Variants in ANXA1 observed in about 807,000 individuals in gnomAD.
ANXA1 encodes annexin A1.
A neutral mutation model predicts 47.9 loss-of-function variants in ANXA1; 39 were observed. The observed-to-expected ratio is 0.81, with a 90% CI of 0.63 to 1.06. The LOEUF (loss-of-function observed/expected upper bound fraction) is 1.06, where lower values mean the gene tolerates loss of function less well. ANXA1 is among the 50% of genes least tolerant of loss of function. The pLI is 0.00. For missense variants in ANXA1, 446 were observed against 422.7 expected, an observed-to-expected ratio of 1.06 and a Z score of -0.48; for synonymous variants, 146 against 142.5, an observed-to-expected ratio of 1.02 and a Z score of -0.17.
chr9:73,163,344 A>G, intron 7 of ANXA1, 132 bp from the exon 8 acceptor site: 3 of 813,618 alleles, frequency 3.7e-6, no homozygotes, highest in Non-Finnish European at 5.7e-6. Context: ...CTTGTATCTG[A>G]GCTCCTTCTA....
At chr9:73,156,067 T>C (rs924251721) in intron 1 of ANXA1, among the ~76,000 whole-genome samples, 6 of 148,450 alleles carry the variant, frequency 4.0e-5, no homozygotes, top group Non-Finnish European at 8.9e-5. Context: ...TCTTTTGCTT[T>C]CTTTTGAAGT....
chr9:73,168,873 C>T (rs1216009669), intron 11 of ANXA1, 159 bp from the exon 12 acceptor site: 11 of 373,754 alleles, frequency 2.9e-5, no homozygotes, highest in Admixed American at 5.4e-5. Flanking sequence ...CATTACCATT[C>T]GTGTAAGGTG....
chr9:73,166,245 A>T (rs1824227720), intron 10 of ANXA1, 53 bp downstream of exon 10: 6 of 1,337,904 alleles, frequency 4.5e-6, no homozygotes, highest in Non-Finnish European at 6.3e-6. Context: ...GTATTTTCAA[A>T]GCTATCCTAT....
intron 3 of ANXA1, 103 bp from the exon 4 acceptor site, chr9:73,159,226 A>T: frequency 4.3e-6 from 4 of 926,938 alleles, no homozygotes; most frequent in Non-Finnish European, 6.8e-6. Context: ...ATATTTCTTA[A>T]TTTGTTAAGA....
chr9:73,159,541 T>A, intron 4 of ANXA1, 118 bp downstream of exon 4: 1 of 754,736 alleles, frequency 1.3e-6, no homozygotes, highest in Non-Finnish European at 2.1e-6. Flanking sequence ...TCATTACATC[T>A]ATGATTGGGA....
intron 9 of ANXA1, 75 bp from the exon 10 acceptor site, chr9:73,166,022 G>A (rs1824223292): frequency 2.6e-6 from 3 of 1,147,464 alleles, no homozygotes; most frequent in Admixed American, 4.8e-5. Context: ...CTTTGAGTCA[G>A]TTGCCTTGAT....
At chr9:73,167,579 T>A (rs771656662) in intron 11 of ANXA1, 24 bp downstream of exon 11, 1 of 1,598,426 alleles carries the variant, frequency 6.3e-7, no homozygotes. Context: ...TACTTATATG[T>A]CCTGCTTAGA....
chr9:73,155,126 AG>A (rs1824028081), intron 1 of ANXA1, among the ~76,000 whole-genome samples: 1 of 152,226 alleles, frequency 6.6e-6, no homozygotes, highest in African/African-American at 2.4e-5. Context: ...TGACATTAGT[AG>A]GCAGTGCATG....
rs1824284649 is a variant in ANXA1 at position 73,169,220 on chromosome 9, G to A, written c.984+66G>A. ...GTTCTTTTTGCAAGATCTTCAAGGA[G>A]AAGAGTTGACTTATTGTATCTATAA... On this transcript the variant is annotated intron_variant, in intron 12 of 12. Coordinates refer to ENST00000257497, the MANE Select transcript of ANXA1 (RefSeq NM_000700.3). The A allele has an allele frequency of 4.1e-5, 62 of 1,494,924 alleles. No individual in the cohort carries two copies. The South Asian group carries it at 8.2e-4, about 20-fold the overall frequency. 92.6% of individuals were successfully genotyped at this position (1,494,924 alleles called of 1,614,324 possible). A position where few individuals can be genotyped will look rare whatever the true frequency, so the allele number is the denominator to read the frequency against.
At chr9:73,155,831 A>G (rs1824036944) in intron 1 of ANXA1, among the ~76,000 whole-genome samples, 1 of 151,946 alleles carries the variant, frequency 6.6e-6, no homozygotes, top group Non-Finnish European at 1.5e-5. Flanking sequence ...TCCTCTAGGG[A>G]TGCTCTCTCT....
At chr9:73,163,915 C>A (rs763404177) in intron 8 of ANXA1, among the ~76,000 whole-genome samples, 5 of 152,004 alleles carry the variant, frequency 3.3e-5, no homozygotes, top group Non-Finnish European at 5.9e-5. Flanking sequence ...TAACAGAGAA[C>A]TTTGGAATGG....
At position 73,169,129 on chromosome 9, in the gene ANXA1, G is replaced by A. The variant is rs139228721; in HGVS notation, c.959G>A (p.Gly320Asp). 1,032 of 1,612,182 alleles carry A rather than the reference G, an allele frequency of 6.4e-4. 1 individual carries two copies. Among genetic ancestry groups the A allele is most frequent in the Admixed American group, 1.3e-3 (78 of 59,678 alleles). The change falls in exon 12 of 13, where the codon GGT (glycine) becomes GAT (aspartate). Residue 320 changes from glycine to aspartate, a missense_variant. Transcript: ENST00000257497. ...DIKAFYQKMY[G>D]ISLCQAILDE... is the part of the protein sequence containing the mutation. ...AAAGCATTCTATCAGAAGATGTATG[G>A]TATCTCCCTTTGCCAAGCCATCCTG...
At chr9:73,166,046 T>C in intron 9 of ANXA1, 51 bp from the exon 10 acceptor site, 1 of 1,435,242 alleles carries the variant, frequency 7.0e-7, no homozygotes, top group Non-Finnish European at 9.5e-7. Context: ...GCTAAAGCTT[T>C]CTAAAGAAAA....
Position 73,158,772 on chromosome 9 carries a change from C to A in ANXA1, c.144C>A (p.Val48=). 6.2e-7 allele frequency: 1 copy of A among 1,613,832 alleles called. No homozygotes were observed. The highest frequency in any genetic ancestry group is 1.1e-5 in the South Asian group (1 of 91,062). ...CTACCTTCAATCCATCCTCGGATGT[C>A]GCTGCCTTGCATAAGGCCATAATGG... is the stretch of plus-strand genomic sequence containing the variant. ...PYPTFNPSSD[V]AALHKAIMVK... is the part of the protein sequence containing the mutation. The change falls in exon 3 of 13, where the codon GTC becomes GTA. Residue 48 remains valine (V), a synonymous_variant. Coordinates refer to ENST00000257497, the MANE Select transcript of ANXA1 (RefSeq NM_000700.3).
chr9:73,168,663 T>G (rs1824272909), intron 11 of ANXA1: 1 of 158,046 alleles, frequency 6.3e-6, no homozygotes, highest in African/African-American at 2.4e-5. Flanking sequence ...GAAGCCCTGA[T>G]TAGATTCTAT....
intron 4 of ANXA1, 108 bp from the exon 5 acceptor site, chr9:73,160,154 GT>G (rs1308308657): frequency 1.1e-5 from 7 of 622,892 alleles, no homozygotes; most frequent in Non-Finnish European, 1.9e-5. Context: ...CTAAAAGATG[GT>G]TGGGTTTAGG....
intron 1 of ANXA1, among the ~76,000 whole-genome samples, chr9:73,154,728 C>T (rs1824021777): frequency 6.6e-6 from 1 of 152,164 alleles, no homozygotes; most frequent in Non-Finnish European, 1.5e-5. Flanking sequence ...TGTGAGCCAC[C>T]ATGCACAGCC....
chr9:73,152,452 T>C (rs2118124455), intron 1 of ANXA1, among the ~76,000 whole-genome samples: 1 of 152,332 alleles, frequency 6.6e-6, no homozygotes, highest in Admixed American at 6.5e-5. Flanking sequence ...GTGCTAATCA[T>C]GCTCTTTGTA....
intron 3 of ANXA1, 67 bp from the exon 4 acceptor site, chr9:73,159,261 TG>T: frequency 8.2e-7 from 1 of 1,219,720 alleles, no homozygotes; most frequent in Non-Finnish European, 1.2e-6. Context: ...ATCTCAGTAA[TG>T]AATTATTTTA....
Sources: allele counts gnomAD v4.1 joint callset (sites outside exome capture counted in the v4.1 genomes callset), GRCh38; gene constraint gnomAD v4.1.1; transcripts MANE v1.5; gene names NCBI Gene and HGNC (gene_info 2026-07-23, HGNC 2026-07-21).